The following MYOZ1 variants were observed in gnomAD, a reference collection of about 807,000 sequenced individuals.
MYOZ1 encodes the protein myozenin 1.
Under a neutral mutation model 28.7 loss-of-function variants are expected in MYOZ1, and 20 were observed. The observed-to-expected ratio is 0.70, with a 90% confidence interval of 0.49 to 1.01. MYOZ1 has a LOEUF of 1.01. MYOZ1 is among the 50% of genes least tolerant of loss of function. The probability of loss-of-function intolerance (pLI) is 0.00; values close to 1 mark genes in which losing one functional copy is unlikely to be tolerated. For missense variants in MYOZ1, 371 were observed against 372.4 expected (o/e 1.00, Z 0.03); for synonymous variants, 144 against 145.8 (o/e 0.99, Z 0.09).
intron 3 of MYOZ1, among the ~76,000 whole-genome samples, chr10:73,636,244 T>C (rs1041978515): frequency 6.6e-6 from 1 of 152,156 alleles, no homozygotes; most frequent in Non-Finnish European, 1.5e-5. Context: ...CTCCTCTTTC[T>C]TTGGAGAAGG....
chr10:73,633,654 T>C (rs926476840), intron 5 of MYOZ1, among the ~76,000 whole-genome samples: 2 of 152,152 alleles, frequency 1.3e-5, no homozygotes, highest in Admixed American at 1.3e-4. Flanking sequence ...TTCCCATGCC[T>C]ACACAGCTAA....
chr10:73,634,398 T>C, intron 4 of MYOZ1, 86 bp downstream of exon 4: 2 of 1,521,750 alleles, frequency 1.3e-6, no homozygotes, highest in Admixed American at 2.0e-5. Context: ...TGACCTCCTC[T>C]GCTCCCCACA....
Position 73,634,209 on chromosome 10 carries a change from A to G in MYOZ1, c.503-144T>C, listed in dbSNP as rs566148293. Reference sequence around the variant, plus strand: ...CTGGTAATTGTATAAGGTTTGTGGCATAATGATAGTCTGTGGGCAGATCTG... The same window carrying G: ...CTGGTAATTGTATAAGGTTTGTGGCGTAATGATAGTCTGTGGGCAGATCTG... On this transcript the variant is annotated intron_variant, in intron 4 of 5. Coordinates refer to ENST00000359322, the MANE Select transcript of MYOZ1 (RefSeq NM_021245.4). The G allele has an allele frequency of 1.0e-3, 1,144 of 1,104,390 alleles. 3 individuals carry two copies. Among genetic ancestry groups the G allele is most frequent in the Non-Finnish European group, 1.4e-3 (1,093 of 777,346 alleles). The allele number at this position is 1,104,390 out of a possible 1,614,324, so 68.4% of individuals were successfully genotyped here. A position where few individuals can be genotyped will look rare whatever the true frequency, so the allele number is the denominator to read the frequency against.
At chr10:73,640,672 A>T (rs1484715575) in intron 1 of MYOZ1, among the ~76,000 whole-genome samples, 1 of 152,192 alleles carries the variant, frequency 6.6e-6, no homozygotes, top group Admixed American at 6.5e-5. Flanking sequence ...CCCAGGTTTC[A>T]TTGGCTTGGC....
At chr10:73,634,820 A>C (rs1173215299) in intron 3 of MYOZ1, 87 bp from the exon 4 acceptor site, 22 of 1,504,512 alleles carry the variant, frequency 1.5e-5, no homozygotes, top group Non-Finnish European at 2.0e-5. Context: ...AGGCAGAAAT[A>C]GTGGCTAACC....
intron 1 of MYOZ1, 46 bp from the exon 2 acceptor site, chr10:73,640,081 G>A: frequency 6.7e-7 from 1 of 1,491,528 alleles, no homozygotes; most frequent in Non-Finnish European, 9.3e-7. Flanking sequence ...CAGGGACTGG[G>A]AAGAGTGAGT....
At chr10:73,633,314 A>G (rs959306164) in intron 5 of MYOZ1, among the ~76,000 whole-genome samples, 3 of 152,184 alleles carry the variant, frequency 2.0e-5, no homozygotes, top group Non-Finnish European at 4.4e-5. Context: ...AGAAGGAAAG[A>G]AAGAAAAGAA....
In MYOZ1 at chr10:73,633,916, A is replaced by G. The variant is rs145071008; in HGVS notation, c.652T>C (p.Tyr218His). 2 of 1,610,750 alleles carry G rather than the reference A, an allele frequency of 1.2e-6. No individual in the cohort carries two copies. Among genetic ancestry groups the G allele is most frequent in the Non-Finnish European group, 1.7e-6 (2 of 1,178,642 alleles). ...CACCCCTACCTGTTGAAGGACTTAT[A>G]TTTGGGAAGTTCAGCTTTGGCCCCA... Reference protein sequence around the residue: ...AYGAKAELPKYKSFNRTAMPY... With the variant: ...AYGAKAELPKHKSFNRTAMPY... Residue 218 changes from tyrosine (Y) to histidine (H), a missense_variant, in exon 5 of 6, where the codon TAT becomes CAT. Coordinates refer to ENST00000359322, the MANE Select transcript of MYOZ1 (RefSeq NM_021245.4).
Position 73,639,959 on chromosome 10 carries a change from A to G in MYOZ1, c.59T>C (p.Met20Thr). The G allele has an allele frequency of 3.1e-6, 5 of 1,613,974 alleles. No individual in the cohort carries two copies. The highest frequency in any genetic ancestry group is 4.2e-6 in the Non-Finnish European group (5 of 1,179,926). Residue 20 changes from methionine (M) to threonine (T), a missense_variant, in exon 2 of 6, where the codon ATG becomes ACG. Coordinates refer to ENST00000359322, the MANE Select transcript of MYOZ1 (RefSeq NM_021245.4). ...NKKRKSSKLI[M>T]ELTGGGQESS... Reference sequence around the variant, plus strand: ...ACATGTCCTACCTCCAGTGAGTTCCATGATCAGCTTGCTGGATTTCCTCTT... The same window carrying G: ...ACATGTCCTACCTCCAGTGAGTTCCGTGATCAGCTTGCTGGATTTCCTCTT...
intron 3 of MYOZ1, among the ~76,000 whole-genome samples, chr10:73,637,254 A>G (rs1485929139): frequency 6.6e-6 from 1 of 151,262 alleles, no homozygotes; most frequent in Non-Finnish European, 1.5e-5. Flanking sequence ...ACCTCAGGTG[A>G]CCCACCTGCC....
At chr10:73,634,265 T>A (rs1332292740) in intron 4 of MYOZ1, among the ~76,000 whole-genome samples, 200 bp from the exon 5 acceptor site, 1 of 152,144 alleles carries the variant, frequency 6.6e-6, no homozygotes, top group East Asian at 1.9e-4. Context: ...GGAAAGTAAC[T>A]GAAAAACAAG....
chr10:73,639,943 A>G lies in MYOZ1; in HGVS notation c.73+2T>C. On this transcript the variant is annotated splice_donor_variant, in intron 2 of 5. Transcript: ENST00000359322. LOFTEE classifies it high-confidence loss of function. ...CACTAGGGAGATGCAAACATGTCCT[A>G]CCTCCAGTGAGTTCCATGATCAGCT... 7 of 1,613,554 alleles carry G rather than the reference A, an allele frequency of 4.3e-6. No homozygotes were observed. The highest frequency in any genetic ancestry group is 1.3e-5 in the African/African-American group (1 of 74,892).
At chr10:73,635,098 T>C (rs550092019) in intron 3 of MYOZ1, among the ~76,000 whole-genome samples, 3 of 152,096 alleles carry the variant, frequency 2.0e-5, no homozygotes, top group South Asian at 4.2e-4. Context: ...TAATTTGATA[T>C]ATTTTTAGTA....
At chr10:73,640,490 G>A (rs1201357547) in intron 1 of MYOZ1, among the ~76,000 whole-genome samples, 7 of 152,236 alleles carry the variant, frequency 4.6e-5, no homozygotes, top group Middle Eastern at 3.4e-3. Flanking sequence ...GAAAACTTGC[G>A]CTTTAGGGCT....
Position 73,634,708 on chromosome 10 carries a change from G to T in MYOZ1, c.278C>A (p.Thr93Lys). The change falls in exon 4 of 6, where the codon ACA becomes AAA. Residue 93 changes from threonine (T) to lysine (K), a missense_variant. Transcript: ENST00000359322. ...AGCTGTGCCCAGCTGTCCCCCCACT[G>T]TTGGAAGGAACTTCTGGAAGTGATC... Reference protein sequence around the residue: ...SMDHFQKFLPTVGGQLGTAGQ... With the variant: ...SMDHFQKFLPKVGGQLGTAGQ... 1 of 1,613,812 alleles carries T rather than the reference G, an allele frequency of 6.2e-7. No homozygotes were observed. Among genetic ancestry groups the T allele is most frequent in the African/African-American group, 1.3e-5 (1 of 75,044 alleles).
chr10:73,631,827 C>T lies in MYOZ1; in HGVS notation c.*103G>A. 4.0e-6 allele frequency: 4 copies of T among 1,005,394 alleles called. No individual in the cohort carries two copies. The Admixed American group carries it at 9.1e-5, about 23-fold the overall frequency. The allele number at this position is 1,005,394 out of a possible 1,614,324, so 62.3% of individuals were successfully genotyped here. On this transcript the variant is annotated 3_prime_UTR_variant, in exon 6 of 6. Transcript: ENST00000359322. The stretch of plus-strand genomic sequence containing the variant: ...TAGATCTCTCCTTTTTCCCTCCATT[C>T]CCATAAGGATACTGGATTAACAATG...
chr10:73,634,510 G>A lies in MYOZ1; in HGVS notation c.476C>T (p.Thr159Ile). The change falls in exon 4 of 6, where the codon ACA becomes ATA. Residue 159 changes from threonine (T) to isoleucine (I), a missense_variant. Transcript: ENST00000359322. ...TGATCCTGTCTCACCAACCCCTGCTGTGCCAGCAGCTCCTCCTCTGCCAGC... is the reference window on the plus strand; with the variant it reads ...TGATCCTGTCTCACCAACCCCTGCTATGCCAGCAGCTCCTCCTCTGCCAGC... ...GQAGRGGAAG[T>I]AGVGETGSGD... 3 of 1,614,096 alleles carry A rather than the reference G, an allele frequency of 1.9e-6. No individual in the cohort carries two copies. Among genetic ancestry groups the A allele is most frequent in the Admixed American group, 3.3e-5 (2 of 60,010 alleles).
rs1176061577 is a variant in MYOZ1, at chr10:73,632,005, C to T, written c.825G>A (p.Trp275Ter). The T allele has an allele frequency of 6.2e-7, 1 of 1,613,890 alleles. No homozygotes were observed. Among genetic ancestry groups the T allele is most frequent in the Non-Finnish European group, 8.5e-7 (1 of 1,180,026 alleles). ...AGTCTACAGGCTCCCCAGAGCTCAG[C>T]CAGGGAATAGGGGTTCGATTGAAAG... is the stretch of plus-strand genomic sequence containing the variant. ...RPSFNRTPIP[W>*]LSSGEPVDYN... Residue 275 changes from tryptophan to a stop codon, truncating the protein, a stop_gained, in exon 6 of 6, where the codon TGG becomes TGA. Transcript: ENST00000359322. LOFTEE classifies it high-confidence loss of function.
At chr10:73,639,850 C>A (rs1274352419) in intron 2 of MYOZ1, 95 bp downstream of exon 2, 3 of 1,272,286 alleles carry the variant, frequency 2.4e-6, no homozygotes, top group Non-Finnish European at 3.4e-6. Context: ...CTTAATTTCT[C>A]TTGTTTGTTC....
Sources: gnomAD v4.1 joint callset for allele counts (sites outside exome capture counted in the v4.1 genomes callset) on GRCh38, gnomAD v4.1.1 for gene constraint, MANE v1.5 for transcripts, NCBI Gene and HGNC (gene_info 2026-07-23, HGNC 2026-07-21) for gene names.